EPHB1: variants seen among roughly 807,000 people sequenced by gnomAD.
EPHB1 encodes the protein ephrin type-B receptor 1.
In EPHB1, 30 loss-of-function variants were observed where a neutral mutation model predicts 94.4. The ratio of observed to expected loss-of-function variants is 0.32; its 90% confidence interval spans 0.24 to 0.43. The LOEUF (loss-of-function observed/expected upper bound fraction) is 0.43. EPHB1 is among the 20% of genes least tolerant of loss of function. The pLI is 1.00. For synonymous variants in EPHB1, 522 were observed against 489.1 expected (o/e 1.07, Z -0.89); for missense variants, 1,055 against 1,308.3 (o/e 0.81, Z 2.99).
At chr3:135,257,937 C>G (rs181867150) in intron 15 of EPHB1, among the ~76,000 whole-genome samples, 1 of 152,156 alleles carries the variant, frequency 6.6e-6, no homozygotes, top group African/African-American at 2.4e-5. Context: ...TTAAGCCTGT[C>G]GGAAAAGTGC....
At chr3:134,958,915 T>G (rs1416537043) in intron 3 of EPHB1, among the ~76,000 whole-genome samples, 1 of 152,170 alleles carries the variant, frequency 6.6e-6, no homozygotes, top group Non-Finnish European at 1.5e-5. Flanking sequence ...ATAATGATCC[T>G]TTCTGCCTTT....
chr3:134,829,393 T>C (rs1009821135), intron 1 of EPHB1, among the ~76,000 whole-genome samples: 2 of 152,138 alleles, frequency 1.3e-5, no homozygotes, highest in Non-Finnish European at 2.9e-5. Flanking sequence ...TGAGGACCTA[T>C]CAGGAGAAGG....
intron 1 of EPHB1, among the ~76,000 whole-genome samples, chr3:134,863,243 G>T (rs566538771): frequency 6.6e-6 from 1 of 152,210 alleles, no homozygotes; most frequent in Non-Finnish European, 1.5e-5. Flanking sequence ...GGCCCTGTTA[G>T]GTGCATCTTC....
chr3:135,069,732 C>A, intron 3 of EPHB1, among the ~76,000 whole-genome samples: 1 of 152,014 alleles, frequency 6.6e-6, no homozygotes, highest in Non-Finnish European at 1.5e-5. Context: ...CTCACTGAAC[C>A]ACTTTGAGCT....
At chr3:135,194,734 G>C (rs183245658) in intron 11 of EPHB1, among the ~76,000 whole-genome samples, 185 of 152,250 alleles carry the variant, frequency 1.2e-3, no homozygotes, top group African/African-American at 4.2e-3. Context: ...TGCAGGGGTG[G>C]AGAACAACTG....
intron 12 of EPHB1, among the ~76,000 whole-genome samples, chr3:135,222,169 G>C (rs1943290571): frequency 6.6e-6 from 1 of 152,154 alleles, no homozygotes; most frequent in Non-Finnish European, 1.5e-5. Flanking sequence ...TCTCTAATAT[G>C]GGGATAAGAA....
intron 1 of EPHB1, among the ~76,000 whole-genome samples, chr3:134,876,534 G>A (rs1429584713): frequency 6.6e-6 from 1 of 152,200 alleles, no homozygotes; most frequent in African/African-American, 2.4e-5. Context: ...TAAGGTTCAT[G>A]CTTAGGCAGG....
At chr3:135,005,643 C>T (rs111585929) in intron 3 of EPHB1, among the ~76,000 whole-genome samples, 1,612 of 152,340 alleles carry the variant, frequency 0.011, 30 homozygotes, top group African/African-American at 0.036. Context: ...GAGCCAGGTG[C>T]GGGATATAAT....
chr3:135,197,237 G>C (rs1461519492), intron 11 of EPHB1, among the ~76,000 whole-genome samples: 1 of 152,198 alleles, frequency 6.6e-6, no homozygotes, highest in Non-Finnish European at 1.5e-5. Context: ...TGGCTTTGTG[G>C]TTGCTGCTGG....
At chr3:135,156,524 A>T (rs1348396234) in intron 6 of EPHB1, among the ~76,000 whole-genome samples, 2 of 152,184 alleles carry the variant, frequency 1.3e-5, no homozygotes, top group Non-Finnish European at 2.9e-5. Flanking sequence ...TTTTACATTT[A>T]TAGAATGGTA....
chr3:135,249,217 C>T, intron 14 of EPHB1, 119 bp from the exon 15 acceptor site: 1 of 1,219,874 alleles, frequency 8.2e-7, no homozygotes, highest in South Asian at 1.5e-5. Flanking sequence ...CAGGGCTCCA[C>T]TATAATCCTC....
At chr3:135,042,593 A>G (rs1936887027) in intron 3 of EPHB1, among the ~76,000 whole-genome samples, 1 of 152,156 alleles carries the variant, frequency 6.6e-6, no homozygotes, top group South Asian at 2.1e-4. Context: ...CCCCTCCTGC[A>G]GTGCTGGTGG....
At chr3:135,215,225 G>T (rs1489610469) in intron 12 of EPHB1, among the ~76,000 whole-genome samples, 1 of 151,648 alleles carries the variant, frequency 6.6e-6, no homozygotes, top group Admixed American at 6.6e-5. Flanking sequence ...GTGCAATGGT[G>T]CAATCTCGGC....
At chr3:135,100,876 C>T (rs1184184186) in intron 3 of EPHB1, among the ~76,000 whole-genome samples, 6 of 152,058 alleles carry the variant, frequency 3.9e-5, no homozygotes, top group African/African-American at 1.2e-4. Flanking sequence ...AATATATACA[C>T]GTTTAGGCAT....
At chr3:134,801,991 A>G (rs1427970418) in intron 1 of EPHB1, among the ~76,000 whole-genome samples, 1 of 152,250 alleles carries the variant, frequency 6.6e-6, no homozygotes, top group Non-Finnish European at 1.5e-5. Flanking sequence ...GACTTAAAGT[A>G]CAGGAAGCAA....
At chr3:135,111,885 G>A (rs1185037472) in intron 4 of EPHB1, among the ~76,000 whole-genome samples, 1 of 152,094 alleles carries the variant, frequency 6.6e-6, no homozygotes, top group African/African-American at 2.4e-5. Context: ...TCACCATGTT[G>A]GTCAGGCTGG....
intron 3 of EPHB1, among the ~76,000 whole-genome samples, chr3:134,999,365 A>G (rs1055083547): frequency 6.6e-6 from 1 of 152,158 alleles, no homozygotes; most frequent in African/African-American, 2.4e-5. Flanking sequence ...CAGAGAAGGG[A>G]TATTTGAAAA....
intron 1 of EPHB1, among the ~76,000 whole-genome samples, chr3:134,845,821 T>C (rs1405216740): frequency 6.6e-6 from 1 of 152,228 alleles, no homozygotes; most frequent in Non-Finnish European, 1.5e-5. Flanking sequence ...TCTGTGGAGT[T>C]GAGGAGCATC....
At chr3:135,073,598 A>G in intron 3 of EPHB1, among the ~76,000 whole-genome samples, 1 of 152,242 alleles carries the variant, frequency 6.6e-6, no homozygotes, top group Non-Finnish European at 1.5e-5. Context: ...AAGCAAATTT[A>G]TAATAATCTC....
Sources: allele counts gnomAD v4.1 joint callset (sites outside exome capture counted in the v4.1 genomes callset), GRCh38; gene constraint gnomAD v4.1.1; transcripts MANE v1.5; gene names NCBI Gene and HGNC (gene_info 2026-07-23, HGNC 2026-07-21).